Variants in CNOT6 observed in about 807,000 individuals in gnomAD.
CNOT6 encodes CCR4-NOT transcription complex subunit 6, also known as carbon catabolite repression 4 protein.
In CNOT6, 12 loss-of-function variants were observed where a neutral mutation model predicts 61.2. That is an observed-to-expected ratio of 0.20 (90% CI 0.13 to 0.32). The LOEUF (loss-of-function observed/expected upper bound fraction) is 0.32. CNOT6 is among the 10% of genes least tolerant of loss of function. The pLI is 1.00. For missense variants in CNOT6, 405 were observed against 663.9 expected (o/e 0.61, Z 4.28); for synonymous variants, 225 against 240.6 (o/e 0.94, Z 0.60).
At chr5:180,535,202 AG>A (rs1255335369) in intron 2 of CNOT6, among the ~76,000 whole-genome samples, 1 of 152,288 alleles carries the variant, frequency 6.6e-6, no homozygotes, top group Non-Finnish European at 1.5e-5. Flanking sequence ...GGGAGTCACA[AG>A]TACGGTTTTC....
chr5:180,533,945 CA>C (rs370981169), intron 2 of CNOT6, among the ~76,000 whole-genome samples: 1 of 152,150 alleles, frequency 6.6e-6, no homozygotes, highest in African/African-American at 2.4e-5. Flanking sequence ...ATGGTTCAGG[CA>C]AAACTCGTGT....
chr5:180,568,557 AATAAATAAATAAAT>A (rs970526648), intron 9 of CNOT6, among the ~76,000 whole-genome samples: 4 of 151,292 alleles, frequency 2.6e-5, no homozygotes, highest in Middle Eastern at 3.4e-3. Flanking sequence ...TCAAAAAATA[AATAAATAAATAAAT>A]ATAAATAAAT....
chr5:180,561,351 G>T (rs1168749057), intron 4 of CNOT6, among the ~76,000 whole-genome samples: 2 of 113,790 alleles, frequency 1.8e-5, no homozygotes, highest in African/African-American at 6.6e-5. Context: ...GTTTTCTTGT[G>T]TGTTTTGTGT....
Position 180,556,776 on chromosome 5 carries a change from C to T in CNOT6, c.385+3305C>T, listed in dbSNP as rs532848154. On this transcript the variant is annotated intron_variant, in intron 4 of 11. Coordinates refer to ENST00000261951, the MANE Select transcript of CNOT6 (RefSeq NM_001370472.1). The stretch of plus-strand genomic sequence containing the variant: ...GACCATCCTGGCTAACATGGTGAAA[C>T]CCCGTCACTACTAAAAATACAAAAA... Among the ~76,000 whole-genome samples, 365 of 152,232 alleles carry T rather than the reference C, an allele frequency of 2.4e-3. 2 individuals carry two copies. The highest frequency in any genetic ancestry group is 8.2e-3 in the African/African-American group (340 of 41,544).
chr5:180,538,433 C>G (rs1218932665), intron 2 of CNOT6, among the ~76,000 whole-genome samples: 2 of 150,572 alleles, frequency 1.3e-5, no homozygotes, highest in Non-Finnish European at 3.0e-5. Flanking sequence ...CGCCTGTAAT[C>G]CTAGCACTTT....
At chr5:180,508,504 G>A (rs964337404) in intron 1 of CNOT6, among the ~76,000 whole-genome samples, 2 of 151,998 alleles carry the variant, frequency 1.3e-5, no homozygotes, top group Non-Finnish European at 2.9e-5. Flanking sequence ...TAGAGACGGG[G>A]TTTCACCGTG....
At chr5:180,529,912 A>C (rs1758275839) in intron 2 of CNOT6, among the ~76,000 whole-genome samples, 1 of 152,234 alleles carries the variant, frequency 6.6e-6, no homozygotes, top group Non-Finnish European at 1.5e-5. Context: ...AGAAGATCTC[A>C]AATTTCCCTT....
At chr5:180,564,639 G>A in intron 5 of CNOT6, 36 bp from the exon 6 acceptor site, 1 of 1,608,824 alleles carries the variant, frequency 6.2e-7, no homozygotes, top group East Asian at 2.2e-5. Context: ...AGACGTGTAA[G>A]AATATTGCTT....
At chr5:180,550,529 C>T (rs1759545052) in intron 3 of CNOT6, among the ~76,000 whole-genome samples, 1 of 152,178 alleles carries the variant, frequency 6.6e-6, no homozygotes, top group South Asian at 2.1e-4. Flanking sequence ...TAAAAGGAAA[C>T]ATAACTATAT....
intron 1 of CNOT6, among the ~76,000 whole-genome samples, chr5:180,526,698 T>C (rs1758115307): frequency 6.6e-6 from 1 of 152,172 alleles, no homozygotes; most frequent in African/African-American, 2.4e-5. Context: ...TTTAGCTGCA[T>C]GGGTATACAG....
At chr5:180,552,562 C>T (rs768239664) in intron 3 of CNOT6, among the ~76,000 whole-genome samples, 9 of 151,318 alleles carry the variant, frequency 5.9e-5, no homozygotes, top group East Asian at 2.0e-4. Flanking sequence ...AGGAGAATGG[C>T]GTGAACCCGG....
At chr5:180,542,068 A>T (rs1231487137) in intron 2 of CNOT6, among the ~76,000 whole-genome samples, 3 of 152,068 alleles carry the variant, frequency 2.0e-5, no homozygotes, top group Non-Finnish European at 4.4e-5. Flanking sequence ...AGAAAAGGTC[A>T]TTCTTATCCT....
chr5:180,496,289 G>A (rs1756611048), intron 1 of CNOT6, among the ~76,000 whole-genome samples: 1 of 152,134 alleles, frequency 6.6e-6, no homozygotes, highest in African/African-American at 2.4e-5. Flanking sequence ...TCTACTCCAG[G>A]TGTTTTGCTT....
chr5:180,552,365 C>T (rs1215614909), intron 3 of CNOT6, among the ~76,000 whole-genome samples: 3 of 151,222 alleles, frequency 2.0e-5, no homozygotes, highest in Non-Finnish European at 2.9e-5. Flanking sequence ...ATAGGCTGGG[C>T]ACGATGGCTC....
chr5:180,541,130 A>G (rs1245313601), intron 2 of CNOT6, among the ~76,000 whole-genome samples: 1 of 151,818 alleles, frequency 6.6e-6, no homozygotes, highest in Non-Finnish European at 1.5e-5. Flanking sequence ...TTCTTTTTAA[A>G]TTAAATTAAG....
intron 1 of CNOT6, among the ~76,000 whole-genome samples, chr5:180,513,681 ATTTATTTATTTATTTATT>A (rs1316585568): frequency 2.6e-5 from 2 of 76,974 alleles, no homozygotes; most frequent in Non-Finnish European, 7.0e-5. Context: ...CCTTTTATTT[ATTTATTTATTTATTTATT>A]TTTATTTATT....
rs1409248245 is a variant in CNOT6, at chr5:180,577,258, G to C, written c.*3058G>C. The C allele has an allele frequency of 1.3e-5, 2 of 151,868 alleles. No homozygotes were observed. The highest frequency in any genetic ancestry group is 2.9e-5 in the Non-Finnish European group (2 of 67,912). 9.4% of individuals were successfully genotyped at this position (151,868 alleles called of 1,614,324 possible). A position where few individuals can be genotyped will look rare whatever the true frequency, so the allele number is the denominator to read the frequency against. On this transcript the variant is annotated 3_prime_UTR_variant, in exon 12 of 12. Coordinates refer to ENST00000261951, the MANE Select transcript of CNOT6 (RefSeq NM_001370472.1). ...GGGATTATTAGCACTTTCAAACTTA[G>C]GGACATTATTAAATTGGATGGAATG...
intron 1 of CNOT6, among the ~76,000 whole-genome samples, chr5:180,509,354 C>A (rs1757279718): frequency 6.6e-6 from 1 of 152,096 alleles, no homozygotes; most frequent in African/African-American, 2.4e-5. Context: ...GTCTTGAACT[C>A]CTGGGCTCAA....
chr5:180,505,492 G>A (rs375448978), intron 1 of CNOT6, among the ~76,000 whole-genome samples: 9 of 148,528 alleles, frequency 6.1e-5, no homozygotes, highest in African/African-American at 1.5e-4. Context: ...TCCTGACCTC[G>A]TGATCCGCCC....
Sources: allele counts gnomAD v4.1 joint callset (sites outside exome capture counted in the v4.1 genomes callset), GRCh38; gene constraint gnomAD v4.1.1; transcripts MANE v1.5; gene names NCBI Gene and HGNC (gene_info 2026-07-23, HGNC 2026-07-21).